The following KIF26B variants were observed in gnomAD, a reference collection of about 807,000 sequenced individuals.
KIF26B encodes the protein kinesin family member 26B.
A neutral mutation model predicts 151.2 loss-of-function variants in KIF26B; 63 were observed. That is an observed-to-expected ratio of 0.42 (90% CI 0.34 to 0.51). The LOEUF (loss-of-function observed/expected upper bound fraction) is 0.51. Ranked by LOEUF, KIF26B falls within the 20% of genes least tolerant of loss-of-function variation. The pLI is 0.07. For missense variants in KIF26B, 2,813 were observed against 2,913.6 expected, an observed-to-expected ratio of 0.97 and a Z score of 0.79; for synonymous variants, 1,357 against 1,262.1, an observed-to-expected ratio of 1.08 and a Z score of -1.59.
rs1196640134 is a variant in KIF26B at position 245,512,362 on chromosome 1, C to A, written c.1167-28405C>A. Among the ~76,000 whole-genome samples the A allele has an allele frequency of 2.6e-5, 4 of 152,176 alleles. No homozygotes were observed. Among genetic ancestry groups the A allele is most frequent in the African/African-American group, 7.2e-5 (3 of 41,444 alleles). ...CTTCTGCAGATTTCCTTTTAACATA[C>A]CCTGCCCAGCCTTGGACAGAGGGAG... On this transcript the variant is annotated intron_variant, in intron 4 of 14. Coordinates refer to ENST00000407071, the MANE Select transcript of KIF26B (RefSeq NM_018012.4). The surrounding 1 kb of genome is among the most constrained non-coding windows in gnomAD (Gnocchi z 4.3).
intron 2 of KIF26B, among the ~76,000 whole-genome samples, chr1:245,279,427 T>C (rs2089720): frequency 0.61 from 92,189 of 151,274 alleles, 28,612 homozygotes; most frequent in African/African-American, 0.71. Flanking sequence ...CCAGCTTCAG[T>C]TTGCTGAGTA....
chr1:245,505,235 G>A (rs962164992), intron 4 of KIF26B, among the ~76,000 whole-genome samples: 8 of 100,320 alleles, frequency 8.0e-5, no homozygotes, highest in South Asian at 3.4e-4. Context: ...ACTGCGCCTC[G>A]CCTATTTTTT....
intron 3 of KIF26B, among the ~76,000 whole-genome samples, chr1:245,376,272 G>T (rs1372415868): frequency 6.6e-6 from 1 of 152,192 alleles, no homozygotes; most frequent in East Asian, 1.9e-4. Context: ...GGACGTTGTA[G>T]AGCAGCATGT....
In KIF26B at chr1:245,155,345, G is replaced by T. The variant is rs185652778; in HGVS notation, c.-80G>T. On this transcript the variant is annotated 5_prime_UTR_variant, in exon 1 of 15. Transcript: ENST00000407071. ...GGCTGAGAGCCAGCCCCCTGCAGCC[G>T]GGGGACGCTTCTGGGTTGGAGGACC... The T allele has an allele frequency of 1.7e-4, 208 of 1,203,656 alleles. No individual in the cohort carries two copies. The highest frequency in any genetic ancestry group is 3.1e-4 in the Admixed American group (15 of 49,106). The allele number at this position is 1,203,656 out of a possible 1,614,324, so 74.6% of individuals were successfully genotyped here. A position where few individuals can be genotyped will look rare whatever the true frequency, so the allele number is the denominator to read the frequency against.
chr1:245,517,354 C>CAAA (rs530805018), intron 4 of KIF26B, among the ~76,000 whole-genome samples: 1 of 107,336 alleles, frequency 9.3e-6, no homozygotes, highest in African/African-American at 3.4e-5. Context: ...GACTCTGTCT[C>CAAA]AAAAAAAAAA....
At position 245,597,570 on chromosome 1, in the gene KIF26B, A is replaced by G. The variant is rs775908991; in HGVS notation, c.1351-5007A>G. Among the ~76,000 whole-genome samples, 5 of 151,956 alleles carry G rather than the reference A, an allele frequency of 3.3e-5. No homozygotes were observed. Among genetic ancestry groups the G allele is most frequent in the Non-Finnish European group, 7.4e-5 (5 of 67,984 alleles). Reference sequence around the variant, plus strand: ...TCTCTAGTGCCCATAACATTTTTCCATCATTTCAACCTTGGTGAATCTGAC... The same window carrying G: ...TCTCTAGTGCCCATAACATTTTTCCGTCATTTCAACCTTGGTGAATCTGAC... On this transcript the variant is annotated intron_variant, in intron 5 of 14. Transcript: ENST00000407071. The surrounding 1 kb of genome is among the most constrained non-coding windows in gnomAD (Gnocchi z 4.6).
At chr1:245,391,059 A>T (rs550498935) in intron 3 of KIF26B, among the ~76,000 whole-genome samples, 1 of 151,602 alleles carries the variant, frequency 6.6e-6, no homozygotes, top group Non-Finnish European at 1.5e-5. Flanking sequence ...TTCTGGTAAG[A>T]TTTGTGGTGA....
chr1:245,176,019 T>C (rs1000689726), intron 2 of KIF26B, among the ~76,000 whole-genome samples: 2 of 151,008 alleles, frequency 1.3e-5, no homozygotes, highest in Non-Finnish European at 2.9e-5. Context: ...TATAGATATT[T>C]TTTTTGAGAC....
chr1:245,399,003 C>T (rs1673928981), intron 3 of KIF26B, among the ~76,000 whole-genome samples: 2 of 152,100 alleles, frequency 1.3e-5, no homozygotes, highest in Non-Finnish European at 1.5e-5. Flanking sequence ...CCAGAGTACA[C>T]TTATCAGCTT....
chr1:245,319,929 T>C (rs1249492046), intron 2 of KIF26B, among the ~76,000 whole-genome samples: 1 of 152,188 alleles, frequency 6.6e-6, no homozygotes, highest in Non-Finnish European at 1.5e-5. Flanking sequence ...GATTTGGGAG[T>C]ATAAGAACAC....
chr1:245,684,114 A>G, intron 10 of KIF26B, 119 bp from the exon 11 acceptor site: 2 of 1,052,998 alleles, frequency 1.9e-6, no homozygotes, highest in Middle Eastern at 2.7e-4. Context: ...GTATGCCATT[A>G]AAAAGGGTGG....
intron 2 of KIF26B, among the ~76,000 whole-genome samples, chr1:245,188,354 G>A (rs545974280): frequency 2.0e-5 from 3 of 151,764 alleles, no homozygotes; most frequent in African/African-American, 4.8e-5. Context: ...GAAGCCGGGA[G>A]AGTAGGCAGG....
At chr1:245,531,213 G>A (rs774214413) in intron 4 of KIF26B, among the ~76,000 whole-genome samples, 2 of 151,934 alleles carry the variant, frequency 1.3e-5, no homozygotes, top group African/African-American at 4.8e-5. Flanking sequence ...ATATGTAAAT[G>A]GTTTTTTATC....
intron 3 of KIF26B, among the ~76,000 whole-genome samples, chr1:245,369,369 G>C (rs755592523): frequency 6.6e-6 from 1 of 152,232 alleles, no homozygotes; most frequent in Non-Finnish European, 1.5e-5. Flanking sequence ...AGTTAAATGT[G>C]GTTGATAAAA....
At chr1:245,624,825 G>A (rs2043705973) in intron 9 of KIF26B, among the ~76,000 whole-genome samples, 1 of 152,016 alleles carries the variant, frequency 6.6e-6, no homozygotes, top group East Asian at 1.9e-4. Context: ...GGCCAAAAAG[G>A]TTTCTTCTTA....
At chr1:245,586,929 A>C (rs924933582) in intron 5 of KIF26B, among the ~76,000 whole-genome samples, 2 of 151,514 alleles carry the variant, frequency 1.3e-5, no homozygotes, top group African/African-American at 4.9e-5. Context: ...ATACTCACTG[A>C]GCCCTTCCCA....
chr1:245,528,036 G>A (rs1661278962), intron 4 of KIF26B, among the ~76,000 whole-genome samples: 1 of 152,126 alleles, frequency 6.6e-6, no homozygotes, highest in African/African-American at 2.4e-5. Flanking sequence ...TGCAGTCAGG[G>A]AGCATCCGAT....
intron 10 of KIF26B, among the ~76,000 whole-genome samples, chr1:245,680,908 C>T (rs1021511245): frequency 6.6e-6 from 1 of 152,154 alleles, no homozygotes; most frequent in Non-Finnish European, 1.5e-5. Context: ...TTGCAGTCTC[C>T]TTAGCACTGT....
At chr1:245,350,048 TA>T (rs1195811292) in intron 2 of KIF26B, among the ~76,000 whole-genome samples, 13 of 150,326 alleles carry the variant, frequency 8.6e-5, no homozygotes, top group East Asian at 6.5e-4. Context: ...TATATATATA[TA>T]TATTTTTTTT....
Sources: allele counts gnomAD v4.1 joint callset (sites outside exome capture counted in the v4.1 genomes callset), GRCh38; gene constraint gnomAD v4.1.1; non-coding constraint Gnocchi (gnomAD v3.1); transcripts MANE v1.5; gene names NCBI Gene and HGNC (gene_info 2026-07-23, HGNC 2026-07-21).